Variants in DPYD observed in about 807,000 individuals in gnomAD.
The protein encoded by DPYD is dihydropyrimidine dehydrogenase [NADP(+)].
A neutral mutation model predicts 116.2 loss-of-function variants in DPYD; 109 were observed. The observed-to-expected ratio is 0.94, with a 90% CI of 0.80 to 1.10. The LOEUF is 1.10. DPYD is among the 50% of genes least tolerant of loss of function. The pLI is 0.00. For synonymous variants in DPYD, 440 were observed against 432.0 expected (o/e 1.02, Z -0.23); for missense variants, 1,302 against 1,254.5 (o/e 1.04, Z -0.57).
chr1:97,699,194 T>C (rs1661458542), intron 6 of DPYD, among the ~76,000 whole-genome samples, 157 bp downstream of exon 6: 1 of 152,096 alleles, frequency 6.6e-6, no homozygotes, highest in South Asian at 2.1e-4. Context: ...AATTTTAAAG[T>C]GAATAATGTA....
intron 12 of DPYD, among the ~76,000 whole-genome samples, chr1:97,529,721 TTTTC>T (rs1473715835): frequency 6.7e-6 from 1 of 149,106 alleles, no homozygotes; most frequent in Non-Finnish European, 1.5e-5. Context: ...TCTTCCTTTC[TTTTC>T]TTTCCTTTCT....
At chr1:97,342,968 T>C (rs1328221165) in intron 16 of DPYD, among the ~76,000 whole-genome samples, 1 of 152,052 alleles carries the variant, frequency 6.6e-6, no homozygotes, top group Non-Finnish European at 1.5e-5. Context: ...TTACATCTCC[T>C]GTATTTGACT....
intron 14 of DPYD, among the ~76,000 whole-genome samples, chr1:97,409,425 G>C (rs1420226541): frequency 6.6e-6 from 1 of 152,052 alleles, no homozygotes; most frequent in Non-Finnish European, 1.5e-5. Context: ...CCCTGTGGGT[G>C]GTAATTTGCT....
At chr1:97,116,882 C>T (rs891663933) in intron 20 of DPYD, among the ~76,000 whole-genome samples, 2 of 151,624 alleles carry the variant, frequency 1.3e-5, no homozygotes, top group Non-Finnish European at 2.9e-5. Context: ...AGGCCAGTGA[C>T]TCACACCTGT....
intron 5 of DPYD, among the ~76,000 whole-genome samples, chr1:97,702,012 A>G (rs1009926416): frequency 6.6e-6 from 1 of 151,706 alleles, no homozygotes; most frequent in Non-Finnish European, 1.5e-5. Context: ...CAAATTATTA[A>G]TATGTGTTCC....
At chr1:97,651,402 G>T (rs1658575442) in intron 8 of DPYD, among the ~76,000 whole-genome samples, 1 of 151,998 alleles carries the variant, frequency 6.6e-6, no homozygotes, top group Admixed American at 6.6e-5. Context: ...ATTTTATTCA[G>T]GCACACATAC....
chr1:97,212,110 G>C (rs926071557), intron 19 of DPYD, among the ~76,000 whole-genome samples: 13 of 138,366 alleles, frequency 9.4e-5, no homozygotes, highest in African/African-American at 3.6e-4. Flanking sequence ...CTATACGTGT[G>C]CAAGGCAATG....
chr1:97,261,513 TTTTA>T (rs796283227), intron 18 of DPYD, among the ~76,000 whole-genome samples: 161 of 95,310 alleles, frequency 1.7e-3, no homozygotes, highest in African/African-American at 3.0e-3. Context: ...TTTTTTTTTT[TTTTA>T]AAAAAGAACG....
intron 16 of DPYD, among the ~76,000 whole-genome samples, chr1:97,310,914 C>G (rs181487475): frequency 4.6e-5 from 7 of 151,650 alleles, no homozygotes; most frequent in South Asian, 2.1e-4. Context: ...AAATATGATT[C>G]AACAACAAAA....
intron 18 of DPYD, among the ~76,000 whole-genome samples, chr1:97,253,900 G>A (rs1180826884): frequency 6.6e-6 from 1 of 151,988 alleles, no homozygotes; most frequent in Non-Finnish European, 1.5e-5. Context: ...TGTGAATATT[G>A]AAAATAATTC....
intron 10 of DPYD, among the ~76,000 whole-genome samples, chr1:97,589,383 G>C (rs747495845): frequency 6.6e-6 from 1 of 152,204 alleles, no homozygotes; most frequent in Non-Finnish European, 1.5e-5. Context: ...CTGTTCTCAT[G>C]ATGGTGAGTG....
chr1:97,468,733 T>G (rs1222956089), intron 13 of DPYD, among the ~76,000 whole-genome samples: 1 of 152,308 alleles, frequency 6.6e-6, no homozygotes, highest in Non-Finnish European at 1.5e-5. Context: ...TGCAGACTCC[T>G]TGTCCTAAGA....
chr1:97,715,655 T>C (rs1662573870), intron 5 of DPYD, among the ~76,000 whole-genome samples: 1 of 152,116 alleles, frequency 6.6e-6, no homozygotes, highest in Non-Finnish European at 1.5e-5. Flanking sequence ...ATCTAACCTA[T>C]CTCGGTCATT....
chr1:97,582,322 T>G (rs1653742087), intron 10 of DPYD, among the ~76,000 whole-genome samples: 1 of 152,206 alleles, frequency 6.6e-6, no homozygotes, highest in South Asian at 2.1e-4. Context: ...TACCTGAGTT[T>G]GTTTTTAATT....
At chr1:97,824,722 T>C (rs1263404515) in intron 3 of DPYD, among the ~76,000 whole-genome samples, 1 of 152,068 alleles carries the variant, frequency 6.6e-6, no homozygotes. Context: ...CTAGTCTTAC[T>C]CTGTTAGAGA....
chr1:97,391,972 CA>C (rs71740135), intron 14 of DPYD, among the ~76,000 whole-genome samples: 10,031 of 151,288 alleles, frequency 0.066, 434 homozygotes, highest in East Asian at 0.18. Flanking sequence ...AAAATTGATA[CA>C]AAAAAAATAA....
At chr1:97,139,524 A>G (rs1009508747) in intron 20 of DPYD, among the ~76,000 whole-genome samples, 2 of 152,194 alleles carry the variant, frequency 1.3e-5, no homozygotes, top group East Asian at 1.9e-4. Flanking sequence ...GATTTAAAAA[A>G]TCTTGGACCT....
chr1:97,367,478 G>T (rs1671097877), intron 16 of DPYD, among the ~76,000 whole-genome samples: 1 of 152,008 alleles, frequency 6.6e-6, no homozygotes, highest in Non-Finnish European at 1.5e-5. Context: ...ACATCTCCCT[G>T]ATGACAAAAC....
chr1:97,534,077 C>T (rs1311596566), intron 12 of DPYD, among the ~76,000 whole-genome samples: 2 of 152,100 alleles, frequency 1.3e-5, no homozygotes, highest in African/African-American at 2.4e-5. Flanking sequence ...TTTCCAAAAC[C>T]TACCCATTGT....
Sources: allele counts gnomAD v4.1 joint callset (sites outside exome capture counted in the v4.1 genomes callset), GRCh38; gene constraint gnomAD v4.1.1; transcripts MANE v1.5; gene names NCBI Gene and HGNC (gene_info 2026-07-23, HGNC 2026-07-21).